Variants in STK33 observed in about 807,000 individuals in gnomAD.
The protein encoded by STK33 is serine/threonine-protein kinase 33.
In STK33, 52 loss-of-function variants were observed where a neutral mutation model predicts 58.0. That is an observed-to-expected ratio of 0.90 (90% CI 0.72 to 1.13). STK33 has a LOEUF of 1.13. Ranked by LOEUF, STK33 falls within the 50% of genes most tolerant of loss-of-function variation. The pLI, the probability that STK33 is intolerant of heterozygous loss-of-function variation, is 0.00. For synonymous variants in STK33, 215 were observed against 200.1 expected (o/e 1.07, Z -0.63); for missense variants, 630 against 604.2 (o/e 1.04, Z -0.45).
At chr11:8,425,647 T>TA (rs1942627511) in intron 14 of STK33, among the ~76,000 whole-genome samples, 1 of 152,352 alleles carries the variant, frequency 6.6e-6, no homozygotes, top group Non-Finnish European at 1.5e-5. Flanking sequence ...CATGTCTTTC[T>TA]GCTTCAAATA....
intron 1 of STK33, among the ~76,000 whole-genome samples, chr11:8,561,946 TAGAC>T (rs1330940104): frequency 6.6e-6 from 1 of 152,152 alleles, no homozygotes; most frequent in Admixed American, 6.5e-5. Flanking sequence ...GTCAGTATCA[TAGAC>T]AGACCAATTT....
chr11:8,579,158 C>G lies in STK33; in HGVS notation c.-466+14925G>C, dbSNP rs546904998. 2.0e-5 allele frequency among the ~76,000 whole-genome samples: 3 copies of G among 152,088 alleles called. No individual in the cohort carries two copies. In the South Asian group the frequency reaches 6.2e-4, roughly 32 times the overall value. On this transcript the variant is annotated intron_variant, in intron 1 of 15. Transcript: ENST00000687296. ...ATCATTTCTGTCCATTTTATAGCCA[C>G]TAGAGATTGGCCCAGACCCTGAAGA...
chr11:8,430,910 A>C (rs1378986038), intron 14 of STK33, among the ~76,000 whole-genome samples: 3 of 140,892 alleles, frequency 2.1e-5, no homozygotes, highest in African/African-American at 8.1e-5. Flanking sequence ...TCTGTCACCC[A>C]GGTTGGAGTG....
chr11:8,337,711 C>T, the STK33 span, among the ~76,000 whole-genome samples: 2 of 152,060 alleles, frequency 1.3e-5, no homozygotes, highest in African/African-American at 4.8e-5. Flanking sequence ...TCTCGTCTAC[C>T]GCTCCCCCGC....
At chr11:8,551,326 T>C (rs1565341623) in intron 1 of STK33, among the ~76,000 whole-genome samples, 1 of 152,142 alleles carries the variant, frequency 6.6e-6, no homozygotes, top group East Asian at 1.9e-4. Flanking sequence ...GACTGGGTTT[T>C]ACCATGTTGG....
chr11:8,382,168 A>G, the STK33 span, among the ~76,000 whole-genome samples: 2 of 152,206 alleles, frequency 1.3e-5, no homozygotes, highest in Non-Finnish European at 2.9e-5. Context: ...AGCGAGGAAC[A>G]TCGGAGGACC....
chr11:8,441,339 ATGTG>A (rs529093307), intron 11 of STK33, among the ~76,000 whole-genome samples: 2 of 151,100 alleles, frequency 1.3e-5, no homozygotes, highest in East Asian at 3.9e-4. Flanking sequence ...AAATATATAT[ATGTG>A]TGTGTGTGTG....
the STK33 span, among the ~76,000 whole-genome samples, chr11:8,352,625 C>G: frequency 6.6e-6 from 1 of 152,296 alleles, no homozygotes; most frequent in Admixed American, 6.5e-5. Flanking sequence ...CACATCAAGT[C>G]TCTGATTGTT....
intron 1 of STK33, among the ~76,000 whole-genome samples, chr11:8,560,717 T>G (rs1957062253): frequency 6.6e-6 from 1 of 152,184 alleles, no homozygotes; most frequent in African/African-American, 2.4e-5. Context: ...GAATGCTTAC[T>G]TCAGGCCAGG....
chr11:8,379,848 T>C, the STK33 span, among the ~76,000 whole-genome samples: 22 of 152,326 alleles, frequency 1.4e-4, no homozygotes, highest in African/African-American at 4.8e-4. Flanking sequence ...CCTCATCATT[T>C]AACTCCCACT....
rs373561816 is a variant in STK33, at chr11:8,457,357, T to C, written c.681A>G (p.Ala227=). 3.1e-5 allele frequency: 50 copies of C among 1,595,840 alleles called. No homozygotes were observed. The highest frequency in any genetic ancestry group is 1.7e-4 in the Middle Eastern group (1 of 6,016). The part of the protein sequence containing the change: ...WIIQSLASAI[A]YLHNNDIVHR... Reference sequence around the variant, plus strand: ...TCTTCTTACCATTATTGTGAAGATATGCTATAGCTGATGCGAGACTTTGAA... The same window carrying C: ...TCTTCTTACCATTATTGTGAAGATACGCTATAGCTGATGCGAGACTTTGAA... The change falls in exon 9 of 16, where the codon GCA becomes GCG. Residue 227 remains alanine, a synonymous_variant. Coordinates refer to ENST00000687296, the MANE Select transcript of STK33 (RefSeq NM_001352389.2).
intron 1 of STK33, among the ~76,000 whole-genome samples, chr11:8,583,801 G>A (rs1391932020): frequency 1.3e-5 from 2 of 151,994 alleles, no homozygotes; most frequent in African/African-American, 4.8e-5. Context: ...AGTTTCCCTG[G>A]AGATTACAGC....
At chr11:8,494,571 T>C (rs914392329) in intron 1 of STK33, among the ~76,000 whole-genome samples, 3 of 152,218 alleles carry the variant, frequency 2.0e-5, no homozygotes, top group Admixed American at 6.5e-5. Context: ...CCAATGACTT[T>C]CTTCACAGAA....
chr11:8,402,790 C>T (rs1438460171), intron 15 of STK33, among the ~76,000 whole-genome samples: 1 of 152,158 alleles, frequency 6.6e-6, no homozygotes, highest in Non-Finnish European at 1.5e-5. Flanking sequence ...CAAATTCCAG[C>T]TTCCAAGCTT....
chr11:8,435,124 A>G (rs562219032), intron 14 of STK33, among the ~76,000 whole-genome samples: 1 of 152,186 alleles, frequency 6.6e-6, no homozygotes, highest in South Asian at 2.1e-4. Flanking sequence ...AAGATTTTCT[A>G]CACCCCAAGA....
chr11:8,477,816 A>T (rs1426117431), intron 2 of STK33, among the ~76,000 whole-genome samples: 1 of 152,178 alleles, frequency 6.6e-6, no homozygotes, highest in Admixed American at 6.5e-5. Flanking sequence ...CTTCTAATTT[A>T]TCAGTTGCCT....
chr11:8,513,836 T>C (rs959209162), intron 1 of STK33, among the ~76,000 whole-genome samples: 13 of 152,204 alleles, frequency 8.5e-5, no homozygotes, highest in Non-Finnish European at 1.5e-4. Context: ...TATACTCTTT[T>C]AGTTATTTTT....
chr11:8,575,749 C>T (rs898747827), intron 1 of STK33, among the ~76,000 whole-genome samples: 1 of 151,802 alleles, frequency 6.6e-6, no homozygotes, highest in Admixed American at 6.6e-5. Flanking sequence ...TATATCACCA[C>T]AATAAAAAAG....
the STK33 span, among the ~76,000 whole-genome samples, chr11:8,353,032 C>A: frequency 6.6e-6 from 1 of 152,310 alleles, no homozygotes; most frequent in Non-Finnish European, 1.5e-5. Flanking sequence ...CATGGACCAG[C>A]GGCTTGAGGT....
Sources: gnomAD v4.1 joint callset for allele counts (sites outside exome capture counted in the v4.1 genomes callset) on GRCh38, gnomAD v4.1.1 for gene constraint, MANE v1.5 for transcripts, NCBI Gene and HGNC (gene_info 2026-07-23, HGNC 2026-07-21) for gene names.